The following VPS13B variants were observed in gnomAD, a reference collection of about 807,000 sequenced individuals.
The protein encoded by VPS13B is intermembrane lipid transfer protein VPS13B.
In VPS13B, 285 loss-of-function variants were observed where a neutral mutation model predicts 426.4. The ratio of observed to expected loss-of-function variants is 0.67; its 90% CI spans 0.61 to 0.74. VPS13B has a LOEUF of 0.74. Ranked by LOEUF, VPS13B falls within the 30% of genes least tolerant of loss-of-function variation. The pLI is 0.00. For synonymous variants in VPS13B, 1,676 were observed against 1,676.4 expected, an observed-to-expected ratio of 1.00 and a Z score of 0.01; for missense variants, 4,537 against 4,782.6, an observed-to-expected ratio of 0.95 and a Z score of 1.51.
At chr8:99,361,283 T>TACTG (rs1812542987) in intron 19 of VPS13B, among the ~76,000 whole-genome samples, 1 of 152,242 alleles carries the variant, frequency 6.6e-6, no homozygotes, top group Non-Finnish European at 1.5e-5. Context: ...TCTCAGTTTT[T>TACTG]AGGCTAAGAA....
In VPS13B at chr8:99,861,876, G is replaced by A; in HGVS notation, c.11145G>A (p.Arg3715=). ...EEHYNRQEEW[R]RQLPESLGEG... ...ACTACAACCGGCAGGAGGAGTGGCGGCGGCAGCTCCCCGAGAGCCTGGGCG... is the reference window on the plus strand; with the variant it reads ...ACTACAACCGGCAGGAGGAGTGGCGACGGCAGCTCCCCGAGAGCCTGGGCG... Residue 3715 remains arginine, a synonymous_variant, in exon 58 of 62, where the codon CGG becomes CGA. Transcript: ENST00000357162. 1 of 1,596,952 alleles carries A rather than the reference G, an allele frequency of 6.3e-7. No individual in the cohort carries two copies. Among genetic ancestry groups the A allele is most frequent in the Non-Finnish European group, 8.5e-7 (1 of 1,172,528 alleles).
chr8:99,106,294 G>T (rs1404858714), intron 5 of VPS13B, among the ~76,000 whole-genome samples: 1 of 151,558 alleles, frequency 6.6e-6, no homozygotes, highest in African/African-American at 2.4e-5. Flanking sequence ...AATTAGCTGG[G>T]CACGGTGGCA....
At chr8:99,160,170 A>G (rs7818051) in intron 15 of VPS13B, among the ~76,000 whole-genome samples, 26,440 of 152,008 alleles carry the variant, frequency 0.17, 2,820 homozygotes, top group East Asian at 0.38. Flanking sequence ...AATTATTGGT[A>G]GCTTTCCCCA....
At chr8:99,126,813 G>T (rs1310249950) in intron 8 of VPS13B, among the ~76,000 whole-genome samples, 1 of 152,164 alleles carries the variant, frequency 6.6e-6, no homozygotes, top group Non-Finnish European at 1.5e-5. Context: ...AAATGTTATC[G>T]CTGGGCACAG....
In VPS13B at chr8:99,354,343, C is replaced by T. The variant is rs1409962743; in HGVS notation, c.2825-29865C>T. ...TCTGTGCTTTCTAAACAATAAAGAA[C>T]AAATATCCCAGGATACAAAGAAATG... is the stretch of plus-strand genomic sequence containing the variant. On this transcript the variant is annotated intron_variant, in intron 19 of 61. Transcript: ENST00000357162. Among the ~76,000 whole-genome samples, 6 of 109,454 alleles carry T rather than the reference C, an allele frequency of 5.5e-5. No individual in the cohort carries two copies. In the Admixed American group the frequency reaches 6.7e-4, roughly 12 times the overall value. 71.8% of individuals were successfully genotyped at this position (109,454 alleles called of 152,430 possible).
intron 3 of VPS13B, among the ~76,000 whole-genome samples, chr8:99,054,170 C>T (rs1247174556): frequency 1.3e-5 from 2 of 152,196 alleles, no homozygotes; most frequent in African/African-American, 2.4e-5. Context: ...ACCCTGCTTT[C>T]AGTTCTTTTG....
chr8:99,697,203 CA>C, intron 35 of VPS13B: 1 of 558,196 alleles, frequency 1.8e-6, no homozygotes, highest in Middle Eastern at 3.5e-4. Context: ...GGAGGGTGGG[CA>C]AGTGCACAAG....
At chr8:99,708,731 G>A (rs1171030585) in intron 36 of VPS13B, among the ~76,000 whole-genome samples, 6 of 152,044 alleles carry the variant, frequency 3.9e-5, no homozygotes, top group Non-Finnish European at 8.8e-5. Context: ...TTAAATGTCA[G>A]TGTCCATGTA....
intron 54 of VPS13B, among the ~76,000 whole-genome samples, chr8:99,839,294 C>T (rs1388196116): frequency 1.3e-5 from 2 of 152,166 alleles, no homozygotes; most frequent in African/African-American, 4.8e-5. Context: ...GACAGTCCTT[C>T]ATGTTTCTAC....
chr8:99,344,715 C>CT (rs1347453941), intron 19 of VPS13B, among the ~76,000 whole-genome samples: 11 of 151,030 alleles, frequency 7.3e-5, no homozygotes, highest in African/African-American at 1.5e-4. Flanking sequence ...AGATGTTCCT[C>CT]TTTTTTTTTC....
rs1447346966 is a variant in VPS13B, at chr8:99,871,388, C to CTGAT, written c.11496-59_11496-56dup. 1.9e-6 allele frequency: 3 copies of CTGAT among 1,612,180 alleles called. No homozygotes were observed. In the Admixed American group the frequency reaches 5.0e-5, roughly 27 times the overall value. On this transcript the variant is annotated intron_variant, in intron 60 of 61. Coordinates refer to ENST00000357162, the MANE Select transcript of VPS13B (RefSeq NM_152564.5). Reference sequence around the variant, plus strand: ...TTGCCCCATTGGTAAATAATGAGCACTGATAAGTGACCATCTTTTCACAGC... The same window carrying CTGAT: ...TTGCCCCATTGGTAAATAATGAGCACTGATTGATAAGTGACCATCTTTTCACAGC...
rs2130080675 is a variant in VPS13B, at chr8:99,690,923, GCATTATT to G, written c.6047-8598_6047-8592del. Among the ~76,000 whole-genome samples the G allele has an allele frequency of 2.0e-5, 3 of 152,214 alleles. No individual in the cohort carries two copies. In the South Asian group the frequency reaches 6.2e-4, roughly 32 times the overall value. On this transcript the variant is annotated intron_variant, in intron 35 of 61. Coordinates refer to ENST00000357162, the MANE Select transcript of VPS13B (RefSeq NM_152564.5). ...AATTTGCACACACATATTCATAGCA[GCATTATT>G]CATCATCACCAAAAACTGGAAACAA...
intron 17 of VPS13B, among the ~76,000 whole-genome samples, chr8:99,220,772 G>A (rs542346977): frequency 1.8e-3 from 188 of 106,052 alleles, no homozygotes; most frequent in Non-Finnish European, 2.6e-3. Flanking sequence ...ATTCTTCTTA[G>A]TTTTATTCTT....
rs148260432 is a variant in VPS13B at position 99,401,934 on chromosome 8, C to T, written c.3082+10230C>T. Among the ~76,000 whole-genome samples the T allele has an allele frequency of 6.1e-3, 927 of 152,194 alleles. 13 individuals carry two copies. Among genetic ancestry groups the T allele is most frequent in the African/African-American group, 0.021 (882 of 41,542 alleles). On this transcript the variant is annotated intron_variant, in intron 21 of 61. Coordinates refer to ENST00000357162, the MANE Select transcript of VPS13B (RefSeq NM_152564.5). ...GAAAGTTAGTATAAGTGGATATTCT[C>T]ATGTTGGCCAGGCTAGTCTCAAACT... is the stretch of plus-strand genomic sequence containing the variant.
intron 33 of VPS13B, among the ~76,000 whole-genome samples, chr8:99,634,199 G>A (rs1828979428): frequency 2.6e-5 from 4 of 151,960 alleles, no homozygotes; most frequent in African/African-American, 4.8e-5. Flanking sequence ...ATGTGCCCAT[G>A]TTGGTAGGTG....
At chr8:99,795,585 C>T (rs915776697) in intron 43 of VPS13B, among the ~76,000 whole-genome samples, 1 of 152,182 alleles carries the variant, frequency 6.6e-6, no homozygotes, top group African/African-American at 2.4e-5. Context: ...CTTATTATCC[C>T]ACAGTCTTGT....
chr8:99,249,086 T>G (rs1045764547), intron 17 of VPS13B, among the ~76,000 whole-genome samples: 1 of 152,162 alleles, frequency 6.6e-6, no homozygotes, highest in African/African-American at 2.4e-5. Flanking sequence ...CTAATCTACT[T>G]TTGTCTCTGT....
chr8:99,245,936 C>T (rs192244396), intron 17 of VPS13B, among the ~76,000 whole-genome samples: 63 of 152,358 alleles, frequency 4.1e-4, no homozygotes, highest in African/African-American at 1.5e-3. Context: ...TTCTTGATTA[C>T]AGCTGTTTGT....
intron 33 of VPS13B, among the ~76,000 whole-genome samples, chr8:99,586,835 AT>A (rs982960203): frequency 1.3e-5 from 2 of 151,854 alleles, no homozygotes; most frequent in East Asian, 1.9e-4. Flanking sequence ...AAAGAAAACT[AT>A]TTTTTTTATA....
Sources: gnomAD v4.1 joint callset for allele counts (sites outside exome capture counted in the v4.1 genomes callset) on GRCh38, gnomAD v4.1.1 for gene constraint, MANE v1.5 for transcripts, NCBI Gene and HGNC (gene_info 2026-07-23, HGNC 2026-07-21) for gene names.